The following HGD variants were observed in gnomAD, a reference collection of about 807,000 sequenced individuals.
HGD encodes the protein homogentisate oxidase.
HGD carries 61 observed loss-of-function variants against 60.8 expected under a neutral mutation model. The observed-to-expected ratio is 1.00, with a 90% confidence interval of 0.82 to 1.24. HGD has a LOEUF of 1.24. HGD is among the 50% of genes most tolerant of loss of function. The pLI is 0.00. For synonymous variants in HGD, 212 were observed against 187.7 expected (o/e 1.13, Z -1.06); for missense variants, 542 against 547.1 (o/e 0.99, Z 0.09).
intron 2 of HGD, among the ~76,000 whole-genome samples, chr3:120,675,521 G>A (rs1374330257): frequency 6.6e-6 from 1 of 152,112 alleles, no homozygotes; most frequent in Non-Finnish European, 1.5e-5. Context: ...GGGAATATGA[G>A]GGATTCTCTT....
intron 3 of HGD, 53 bp from the exon 4 acceptor site, chr3:120,670,585 A>G (rs1355339883): frequency 3.0e-6 from 3 of 997,192 alleles, no homozygotes; most frequent in Non-Finnish European, 4.9e-6. Flanking sequence ...GTTCTGAGTG[A>G]TACACAGAAT....
chr3:120,668,198 T>C (rs759698900), intron 4 of HGD, among the ~76,000 whole-genome samples: 10 of 152,190 alleles, frequency 6.6e-5, no homozygotes, highest in Non-Finnish European at 1.5e-4. Flanking sequence ...AGACAAAATA[T>C]CTTAGTTTCA....
chr3:120,638,514 A>G lies in HGD; in HGVS notation c.947T>C (p.Val316Ala), dbSNP rs1039695621. 4.3e-6 allele frequency: 7 copies of G among 1,613,904 alleles called. No homozygotes were observed. Among genetic ancestry groups the G allele is most frequent in the African/African-American group, 2.7e-5 (2 of 74,896 alleles). The change falls in exon 12 of 14, where the codon GTC becomes GCC. Residue 316 changes from valine (V) to alanine (A), a missense_variant. This residue lies in a region of HGD where 537 missense variants were observed against 529.1 expected (regional missense o/e 1.01). Transcript: ENST00000283871. The stretch of plus-strand genomic sequence containing the variant: ...AACCCCCCATCGAGGTGGGAAGATG[A>G]CAAAATCAGCAATGGCCACTCCAGG... ...VRPGVAIADFVIFPPRWGVAD... is the reference protein window; with the variant it reads ...VRPGVAIADFAIFPPRWGVAD...
intron 1 of HGD, among the ~76,000 whole-genome samples, chr3:120,681,251 G>T (rs1003061535): frequency 2.0e-5 from 3 of 152,258 alleles, no homozygotes; most frequent in Admixed American, 2.0e-4. Context: ...CCTGAGCCAA[G>T]GTTCTGGGCA....
At chr3:120,667,400 T>C (rs1437941318) in intron 4 of HGD, among the ~76,000 whole-genome samples, 1 of 150,362 alleles carries the variant, frequency 6.7e-6, no homozygotes, top group African/African-American at 2.4e-5. Flanking sequence ...TCCATGGATA[T>C]GTCACACGAA....
At chr3:120,661,103 A>G (rs1025847717) in intron 4 of HGD, among the ~76,000 whole-genome samples, 5 of 152,188 alleles carry the variant, frequency 3.3e-5, no homozygotes, top group African/African-American at 1.2e-4. Flanking sequence ...TTTCTCTACT[A>G]AGAACTGATG....
intron 4 of HGD, among the ~76,000 whole-genome samples, chr3:120,660,641 A>G (rs749651111): frequency 1.1e-3 from 166 of 152,318 alleles, no homozygotes; most frequent in African/African-American, 3.5e-3. Flanking sequence ...CCTGGCCAAC[A>G]TGGTGAAACC....
Position 120,668,369 on chromosome 3 carries a change from A to G in HGD, c.282+2058T>C, listed in dbSNP as rs534086747. On this transcript the variant is annotated intron_variant, in intron 4 of 13. Transcript: ENST00000283871. ...ATTAAGACAAGAGAGAGAACTGGGC[A>G]GGAAACCAAAGGTGTCTATAAATTA... Among the ~76,000 whole-genome samples the G allele has an allele frequency of 2.1e-4, 32 of 152,272 alleles. No individual in the cohort carries two copies. The South Asian group carries it at 5.6e-3, about 27-fold the overall frequency.
rs538773785 is a variant in HGD at position 120,680,932 on chromosome 3, G to A, written c.15+1165C>T. ...GGAAATTTTTTTTTGACTCTACCTA[G>A]CCCAGACTCAGTTCATCTACGATAT... is the stretch of plus-strand genomic sequence containing the variant. On this transcript the variant is annotated intron_variant, in intron 1 of 13. Coordinates refer to ENST00000283871, the MANE Select transcript of HGD (RefSeq NM_000187.4). Among the ~76,000 whole-genome samples, 29 of 152,274 alleles carry A rather than the reference G, an allele frequency of 1.9e-4. No individual in the cohort carries two copies. The South Asian group carries it at 6.0e-3, about 32-fold the overall frequency.
intron 4 of HGD, among the ~76,000 whole-genome samples, chr3:120,655,089 A>AAAC (rs1372554556): frequency 6.6e-6 from 1 of 152,046 alleles, no homozygotes; most frequent in African/African-American, 2.4e-5. Flanking sequence ...AAAACAACAA[A>AAAC]AACAACAACA....
In HGD at chr3:120,666,407, G is replaced by A. The variant is rs565473011; in HGVS notation, c.282+4020C>T. Among the ~76,000 whole-genome samples the A allele has an allele frequency of 1.2e-4, 18 of 152,198 alleles. No individual in the cohort carries two copies. In the South Asian group the frequency reaches 1.2e-3, roughly 11 times the overall value. On this transcript the variant is annotated intron_variant, in intron 4 of 13. Transcript: ENST00000283871. ...GGTTAGAATGGGAGACATGGGAAGC[G>A]GGGAGAAGGGGAACAAATATGGGCT...
intron 4 of HGD, among the ~76,000 whole-genome samples, chr3:120,659,944 G>T (rs143634896): frequency 6.6e-6 from 1 of 151,356 alleles, no homozygotes; most frequent in African/African-American, 2.4e-5. Flanking sequence ...AAGAGAGAGT[G>T]GGGGGTGGTT....
intron 8 of HGD, 122 bp from the exon 9 acceptor site, chr3:120,646,488 G>C: frequency 1.3e-6 from 1 of 746,468 alleles, no homozygotes; most frequent in East Asian, 2.5e-5. Flanking sequence ...TGAGCTGCTT[G>C]GGAGGTGACC....
intron 1 of HGD, among the ~76,000 whole-genome samples, chr3:120,678,861 T>C (rs530786058): frequency 2.0e-5 from 3 of 152,308 alleles, no homozygotes; most frequent in South Asian, 2.1e-4. Context: ...TCTCCAGACA[T>C]TGAGCTCAAG....
At chr3:120,637,952 A>G (rs1940835156) in intron 12 of HGD, among the ~76,000 whole-genome samples, 1 of 152,164 alleles carries the variant, frequency 6.6e-6, no homozygotes, top group African/African-American at 2.4e-5. Context: ...GTGTTTGGGT[A>G]ATGGAGGCAG....
chr3:120,648,712 A>C (rs1410785215), intron 6 of HGD, among the ~76,000 whole-genome samples: 2 of 152,212 alleles, frequency 1.3e-5, no homozygotes, highest in Non-Finnish European at 2.9e-5. Flanking sequence ...GGGACTCAAG[A>C]ACAGCCCTGG....
At chr3:120,669,617 A>G (rs1707981196) in intron 4 of HGD, among the ~76,000 whole-genome samples, 1 of 152,184 alleles carries the variant, frequency 6.6e-6, no homozygotes. Context: ...AATCATGGTG[A>G]CACACTATTA....
rs201160460 is a variant in HGD at position 120,657,812 on chromosome 3, C to G, written c.283-5161G>C. ...GAAGGCATGGCTTACATTGCAGGAA[C>G]AGGAGTGAGAGAGAGAGAGAGAGAG... On this transcript the variant is annotated intron_variant, in intron 4 of 13. Coordinates refer to ENST00000283871, the MANE Select transcript of HGD (RefSeq NM_000187.4). Among the ~76,000 whole-genome samples, 13 of 111,170 alleles carry G rather than the reference C, an allele frequency of 1.2e-4. No homozygotes were observed. The East Asian group carries it at 2.6e-3, about 23-fold the overall frequency. The allele number at this position is 111,170 out of a possible 152,430, so 72.9% of individuals were successfully genotyped here.
At chr3:120,632,869 G>C (rs1940632482) in intron 13 of HGD, among the ~76,000 whole-genome samples, 2 of 152,202 alleles carry the variant, frequency 1.3e-5, no homozygotes, top group Non-Finnish European at 2.9e-5. Flanking sequence ...GAGAAGCTAA[G>C]TGAGTTGTTC....
Sources: allele counts gnomAD v4.1 joint callset (sites outside exome capture counted in the v4.1 genomes callset), GRCh38; gene constraint gnomAD v4.1.1; regional missense constraint gnomAD v4.1.1; transcripts MANE v1.5; gene names NCBI Gene and HGNC (gene_info 2026-07-23, HGNC 2026-07-21).